Variants in PRDM11 observed in about 807,000 individuals in gnomAD.
The protein encoded by PRDM11 is PR domain-containing protein 11.
PRDM11 carries 20 observed loss-of-function variants against 97.8 expected under a neutral mutation model. The ratio of observed to expected loss-of-function variants is 0.20; its 90% CI spans 0.14 to 0.30. The LOEUF is 0.30. Ranked by LOEUF, PRDM11 falls within the 10% of genes least tolerant of loss-of-function variation. The pLI is 1.00. For synonymous variants in PRDM11, 599 were observed against 637.7 expected (o/e 0.94, Z 0.91); for missense variants, 1,139 against 1,555.2 (o/e 0.73, Z 4.50).
At chr11:45,176,842 A>G (rs945532184) in intron 1 of PRDM11, among the ~76,000 whole-genome samples, 2 of 152,198 alleles carry the variant, frequency 1.3e-5, no homozygotes, top group Non-Finnish European at 2.9e-5. Context: ...CACATGGTAT[A>G]CTGTTAAGGA....
intron 1 of PRDM11, among the ~76,000 whole-genome samples, chr11:45,169,217 C>T (rs1321333228): frequency 6.6e-6 from 1 of 152,214 alleles, no homozygotes; most frequent in African/African-American, 2.4e-5. Flanking sequence ...ACATACCTAT[C>T]ACCCAACCTC....
intron 1 of PRDM11, among the ~76,000 whole-genome samples, chr11:45,127,658 T>C (rs1057416053): frequency 1.2e-4 from 19 of 152,180 alleles, no homozygotes; most frequent in African/African-American, 4.3e-4. Flanking sequence ...GCGGTGGCTG[T>C]AGAACAGCGG....
intron 1 of PRDM11, among the ~76,000 whole-genome samples, chr11:45,147,143 T>G (rs1851533767): frequency 6.6e-6 from 1 of 151,428 alleles, no homozygotes; most frequent in South Asian, 2.1e-4. Flanking sequence ...GCCCTCCGCC[T>G]CCTTCCTCCC....
intron 1 of PRDM11, among the ~76,000 whole-genome samples, chr11:45,116,155 A>G (rs878951440): frequency 1.3e-5 from 2 of 152,198 alleles, no homozygotes; most frequent in Admixed American, 1.3e-4. Context: ...AATCCTGACT[A>G]GACTAAAGGG....
intron 4 of PRDM11, among the ~76,000 whole-genome samples, chr11:45,187,018 A>G (rs1365893941): frequency 6.6e-6 from 1 of 151,944 alleles, no homozygotes; most frequent in Non-Finnish European, 1.5e-5. Flanking sequence ...GAGCAACTCC[A>G]GAGCACTAGG....
intron 1 of PRDM11, among the ~76,000 whole-genome samples, chr11:45,171,447 G>A (rs1442898350): frequency 6.6e-6 from 1 of 152,144 alleles, no homozygotes. Flanking sequence ...TGCTCTCCCT[G>A]ATGCTACTAG....
chr11:45,205,619 G>A (rs964440429), intron 5 of PRDM11, among the ~76,000 whole-genome samples: 1 of 152,184 alleles, frequency 6.6e-6, no homozygotes, highest in East Asian at 1.9e-4. Flanking sequence ...CCCTCTGCCG[G>A]CATTTGCACA....
At chr11:45,175,863 A>C (rs1237851554) in intron 1 of PRDM11, among the ~76,000 whole-genome samples, 1 of 152,226 alleles carries the variant, frequency 6.6e-6, no homozygotes, top group Admixed American at 6.5e-5. Flanking sequence ...AATTTATTAG[A>C]GGAGAAATGA....
intron 4 of PRDM11, among the ~76,000 whole-genome samples, chr11:45,197,838 G>C (rs1447819060): frequency 6.6e-6 from 1 of 152,010 alleles, no homozygotes; most frequent in Admixed American, 6.6e-5. Flanking sequence ...ACTTGGACAC[G>C]GGGTGGGGAA....
Position 45,219,642 on chromosome 11 carries a change from C to T in PRDM11, c.627C>T (p.Phe209=). ...TCCAGCACAGTGAGCGCATCTACTT[C>T]CGGGCGTGCAGGGACATCCGGCCTG... ...LAFQHSERIY[F]RACRDIRPGE... Residue 209 remains phenylalanine, a synonymous_variant, in exon 6 of 8, where the codon TTC becomes TTT. Coordinates refer to ENST00000683152, the MANE Select transcript of PRDM11 (RefSeq NM_001384648.1). This position sits in a 1 kb window ranked among gnomAD's most constrained non-coding sequence, Gnocchi z 4.2. 4 of 1,614,138 alleles carry T rather than the reference C, an allele frequency of 2.5e-6. No individual in the cohort carries two copies. The highest frequency in any genetic ancestry group is 3.4e-6 in the Non-Finnish European group (4 of 1,180,040).
At chr11:45,215,566 G>A (rs1853933481) in intron 5 of PRDM11, among the ~76,000 whole-genome samples, 1 of 152,222 alleles carries the variant, frequency 6.6e-6, no homozygotes, top group African/African-American at 2.4e-5. Context: ...AACTGAAATG[G>A]AAGTCAGAGC....
At chr11:45,157,685 C>G (rs1425216279) in intron 1 of PRDM11, among the ~76,000 whole-genome samples, 1 of 152,216 alleles carries the variant, frequency 6.6e-6, no homozygotes, top group African/African-American at 2.4e-5. Flanking sequence ...GATGGGCAGG[C>G]AGCCCTCGGG....
At chr11:45,146,598 G>T (rs893384254), upstream of PRDM11, 1 of 152,104 alleles carries the variant, frequency 6.6e-6, no homozygotes, top group African/African-American at 2.4e-5. Flanking sequence ...GAATTGGGGG[G>T]TCCGCGTCTG....
chr11:45,116,337 A>ACATATTC (rs1295694338), intron 1 of PRDM11, among the ~76,000 whole-genome samples: 2 of 152,242 alleles, frequency 1.3e-5, no homozygotes, highest in East Asian at 3.8e-4. Flanking sequence ...TCTCCAGAGT[A>ACATATTC]CATATTCTTT....
Position 45,227,184 on chromosome 11 carries a change from C to T in PRDM11, c.2559C>T (p.Ser853=), listed in dbSNP as rs1448791045. The T allele has an allele frequency of 3.3e-6, 5 of 1,533,880 alleles. No homozygotes were observed. The highest frequency in any genetic ancestry group is 4.4e-6 in the Non-Finnish European group (5 of 1,146,750). ...LEVVAHLKEV[S]SQTQRADASA... is the part of the protein sequence containing the mutation. ...TGGTGGCCCATCTCAAGGAGGTCAG[C>T]AGCCAGACCCAGCGGGCAGACGCCT... is the stretch of plus-strand genomic sequence containing the variant. The change falls in exon 8 of 8, where the codon AGC becomes AGT. Residue 853 remains serine (S), a synonymous_variant. Transcript: ENST00000683152. This position sits in a 1 kb window ranked among gnomAD's most constrained non-coding sequence, Gnocchi z 8.0.
At chr11:45,110,266 T>C (rs1412018388) in intron 1 of PRDM11, among the ~76,000 whole-genome samples, 1 of 152,124 alleles carries the variant, frequency 6.6e-6, no homozygotes, top group Non-Finnish European at 1.5e-5. Flanking sequence ...AAGTGGCAGC[T>C]AAGCTTCGGA....
intron 1 of PRDM11, among the ~76,000 whole-genome samples, chr11:45,159,732 A>G (rs1189595811): frequency 6.6e-6 from 1 of 152,130 alleles, no homozygotes; most frequent in African/African-American, 2.4e-5. Context: ...TGGGCTTAGT[A>G]CTAGTCACCG....
chr11:45,121,226 A>C (rs1852423481), intron 1 of PRDM11, among the ~76,000 whole-genome samples: 1 of 152,276 alleles, frequency 6.6e-6, no homozygotes, highest in East Asian at 1.9e-4. Flanking sequence ...AATAATTGTC[A>C]GATTGAACTA....
At chr11:45,108,634 G>A (rs1852110035) in intron 1 of PRDM11, among the ~76,000 whole-genome samples, 1 of 152,152 alleles carries the variant, frequency 6.6e-6, no homozygotes, top group Non-Finnish European at 1.5e-5. Flanking sequence ...CCCGAGTGAG[G>A]ACGAGCTGCC....
Sources: gnomAD v4.1 joint callset for allele counts (sites outside exome capture counted in the v4.1 genomes callset) on GRCh38, gnomAD v4.1.1 for gene constraint, Gnocchi (gnomAD v3.1) non-coding constraint, MANE v1.5 for transcripts, NCBI Gene and HGNC (gene_info 2026-07-23, HGNC 2026-07-21) for gene names.